ZNF254: variants seen among roughly 807,000 people sequenced by gnomAD.
ZNF254 encodes zinc finger protein 254.
A neutral mutation model predicts 12.4 loss-of-function variants in ZNF254; 10 were observed. The observed-to-expected ratio is 0.80, with a 90% CI of 0.50 to 1.36. ZNF254 has a LOEUF of 1.36. ZNF254 is among the 40% of genes most tolerant of loss of function. ZNF254 has a pLI of 0.00. For missense variants in ZNF254, 996 were observed against 763.9 expected (o/e 1.30, Z -3.58); for synonymous variants, 305 against 253.4 (o/e 1.20, Z -1.93).
upstream of ZNF254, among the ~76,000 whole-genome samples, chr19:24,085,154 G>A (rs1218259403): frequency 1.4e-5 from 2 of 147,936 alleles, no homozygotes; most frequent in African/African-American, 2.5e-5. Flanking sequence ...GGCTGGTCTT[G>A]AACTCCTGAC....
At position 24,087,285 on chromosome 19, in the gene ZNF254, G is replaced by A. The variant is rs376526337; in HGVS notation, c.-23G>A. 73 of 1,613,180 alleles carry A rather than the reference G, an allele frequency of 4.5e-5. No homozygotes were observed. Among genetic ancestry groups the A allele is most frequent in the Non-Finnish European group, 5.8e-5 (69 of 1,179,558 alleles). ...AGCCTCTGTGGCGCTGTTACCAGCA[G>A]GTATTGGAGATCCACAGCTAAGATG... On this transcript the variant is annotated 5_prime_UTR_variant, in exon 1 of 4. Coordinates refer to ENST00000357002, the MANE Select transcript of ZNF254 (RefSeq NM_203282.4).
Position 24,087,274 on chromosome 19 carries a change from TGTTA to T in ZNF254, c.-33_-30del. 2 of 1,612,872 alleles carry T rather than the reference TGTTA, an allele frequency of 1.2e-6. No individual in the cohort carries two copies. Among genetic ancestry groups the T allele is most frequent in the Non-Finnish European group, 1.7e-6 (2 of 1,179,282 alleles). The stretch of plus-strand genomic sequence containing the variant: ...CCTAGAGGCCCAGCCTCTGTGGCGC[TGTTA>T]CCAGCAGGTATTGGAGATCCACAGC... On this transcript the variant is annotated 5_prime_UTR_variant, in exon 1 of 4. Transcript: ENST00000357002.
At chr19:24,050,407 G>A (rs1029494920) in intron 2 of ZNF254, among the ~76,000 whole-genome samples, 4 of 152,214 alleles carry the variant, frequency 2.6e-5, no homozygotes, top group Admixed American at 6.5e-5. Flanking sequence ...CAGTCCACCC[G>A]CCTTGACCTC....
rs150553746 is a variant in ZNF254 at position 24,118,285 on chromosome 19, C to T, written c.254-7969C>T. Among the ~76,000 whole-genome samples the T allele has an allele frequency of 5.9e-3, 900 of 152,176 alleles. 6 individuals are homozygous for T. Among genetic ancestry groups the T allele is most frequent in the Middle Eastern group, 0.024 (7 of 294 alleles). ...ATCAGGCTGGTCTTGAACTCCTGAC[C>T]TCAAAATCCGCCCGCATCAGCCTCC... On this transcript the variant is annotated intron_variant, in intron 3 of 3. Transcript: ENST00000357002.
intron 3 of ZNF254, among the ~76,000 whole-genome samples, chr19:24,109,510 T>C (rs1218794485): frequency 2.6e-5 from 4 of 152,210 alleles, no homozygotes; most frequent in Admixed American, 2.6e-4. Context: ...TCGTGCATTA[T>C]AATTTTAGAC....
At chr19:24,107,447 T>A in intron 3 of ZNF254, 1 of 382,288 alleles carries the variant, frequency 2.6e-6, no homozygotes, top group Non-Finnish European at 4.6e-6. Context: ...GAGTATTTCA[T>A]TGATATTGTA....
chr19:24,050,563 T>A (rs11879782), intron 2 of ZNF254, among the ~76,000 whole-genome samples: 24,109 of 152,188 alleles, frequency 0.16, 2,096 homozygotes, highest in Middle Eastern at 0.23. Flanking sequence ...GGCCTTGCCC[T>A]TAGAAGAGAG....
chr19:24,061,459 C>T (rs963492329), intron 2 of ZNF254, among the ~76,000 whole-genome samples: 8 of 147,252 alleles, frequency 5.4e-5, no homozygotes, highest in Non-Finnish European at 1.1e-4. Context: ...CTGCACCCTC[C>T]CCACAGGAAA....
At chr19:24,103,657 C>G (rs181354139) in intron 1 of ZNF254, 4 of 151,854 alleles carry the variant, frequency 2.6e-5, no homozygotes, top group African/African-American at 9.7e-5. Flanking sequence ...AAAGAATGTT[C>G]TAGGAATCTG....
At chr19:24,045,791 T>C (rs1599581353) in intron 1 of ZNF254, among the ~76,000 whole-genome samples, 1 of 152,080 alleles carries the variant, frequency 6.6e-6, no homozygotes, top group Non-Finnish European at 1.5e-5. Context: ...GTGTGGTGTT[T>C]CTCTACAACT....
intron 1 of ZNF254, among the ~76,000 whole-genome samples, chr19:24,037,522 C>G (rs551888471): frequency 9.8e-5 from 15 of 152,338 alleles, no homozygotes; most frequent in African/African-American, 3.6e-4. Context: ...CAACCTCCAC[C>G]TCCTGGGCTC....
At chr19:24,043,108 AG>A (rs1970239953) in intron 1 of ZNF254, among the ~76,000 whole-genome samples, 1 of 152,162 alleles carries the variant, frequency 6.6e-6, no homozygotes. Flanking sequence ...GTTCTAAAAA[AG>A]GTATCAGTTT....
intron 1 of ZNF254, among the ~76,000 whole-genome samples, chr19:24,039,667 G>C (rs975360249): frequency 6.6e-6 from 1 of 152,100 alleles, no homozygotes; most frequent in East Asian, 1.9e-4. Flanking sequence ...TTTGCCATTA[G>C]AAAAACAGGT....
intron 3 of ZNF254, among the ~76,000 whole-genome samples, chr19:24,115,020 AAAC>A (rs1398744443): frequency 2.0e-5 from 3 of 152,286 alleles, no homozygotes; most frequent in African/African-American, 7.2e-5. Flanking sequence ...AAAAGTCAGG[AAAC>A]AACAGGTGCT....
At chr19:24,061,859 G>A (rs190076267) in intron 2 of ZNF254, among the ~76,000 whole-genome samples, 202 of 152,212 alleles carry the variant, frequency 1.3e-3, no homozygotes, top group Non-Finnish European at 2.2e-3. Context: ...AGAGGTGGAC[G>A]GATCACCTGA....
chr19:24,044,217 C>T (rs1970286962), intron 1 of ZNF254, among the ~76,000 whole-genome samples: 1 of 136,702 alleles, frequency 7.3e-6, no homozygotes, highest in Non-Finnish European at 1.5e-5. Context: ...TCCATCCTGG[C>T]GACAGAGCAA....
At chr19:24,059,582 C>G (rs1970994332) in intron 2 of ZNF254, among the ~76,000 whole-genome samples, 1 of 152,056 alleles carries the variant, frequency 6.6e-6, no homozygotes, top group South Asian at 2.1e-4. Context: ...TAGCCAGGAT[C>G]CTAGGTGATG....
chr19:24,056,369 G>A (rs142488172), intron 2 of ZNF254, among the ~76,000 whole-genome samples: 25 of 152,142 alleles, frequency 1.6e-4, no homozygotes, highest in African/African-American at 3.4e-4. Flanking sequence ...CTCCTGCCTG[G>A]TCCCTGCTCA....
Position 24,087,440 on chromosome 19 carries a change from A to T in ZNF254, c.30+103A>T, listed in dbSNP as rs151071668. On this transcript the variant is annotated intron_variant, in intron 1 of 3. Coordinates refer to ENST00000357002, the MANE Select transcript of ZNF254 (RefSeq NM_203282.4). The stretch of plus-strand genomic sequence containing the variant: ...CAGGCCTCCCCCCAGTCAGCTCCAC[A>T]ATCTGCGCCCAGCTCGACCTCAGTC... 4.4e-4 allele frequency: 644 copies of T among 1,468,736 alleles called. 2 individuals are homozygous for T. The African/African-American group carries it at 8.0e-3, about 18-fold the overall frequency. The allele number at this position is 1,468,736 out of a possible 1,614,324, so 91.0% of individuals were successfully genotyped here.
Sources: allele counts gnomAD v4.1 joint callset (sites outside exome capture counted in the v4.1 genomes callset), GRCh38; gene constraint gnomAD v4.1.1; transcripts MANE v1.5; gene names NCBI Gene and HGNC (gene_info 2026-07-23, HGNC 2026-07-21).